The following ZNF827 variants were observed in gnomAD, a reference collection of about 807,000 sequenced individuals.
ZNF827 encodes the protein zinc finger protein 827.
In ZNF827, 13 loss-of-function variants were observed where a neutral mutation model predicts 102.4. That is an observed-to-expected ratio of 0.13 (90% confidence interval 0.08 to 0.20). ZNF827 has a LOEUF of 0.20. Among genes scored for constraint, ZNF827 ranks in the 10% least tolerant of loss-of-function variants. The pLI is 1.00. For synonymous variants in ZNF827, 523 were observed against 536.2 expected, an observed-to-expected ratio of 0.98 and a Z score of 0.34; for missense variants, 1,103 against 1,344.4, an observed-to-expected ratio of 0.82 and a Z score of 2.81.
At chr4:145,774,749 A>G (rs1015185655) in intron 10 of ZNF827, 77 bp from the exon 11 acceptor site, 36 of 1,466,942 alleles carry the variant, frequency 2.5e-5, no homozygotes, top group African/African-American at 4.2e-5. Flanking sequence ...GTCCATTTAT[A>G]CACAGTACAC....
At chr4:145,822,183 A>G (rs546865094) in intron 8 of ZNF827, among the ~76,000 whole-genome samples, 73 of 152,328 alleles carry the variant, frequency 4.8e-4, no homozygotes, top group Non-Finnish European at 6.2e-4. Flanking sequence ...GTTTTTGTGT[A>G]AGCACATTAT....
At chr4:145,889,537 T>C (rs1750414703) in intron 3 of ZNF827, among the ~76,000 whole-genome samples, 1 of 150,086 alleles carries the variant, frequency 6.7e-6, no homozygotes, top group African/African-American at 2.5e-5. Flanking sequence ...TCTTAATCTC[T>C]GGCTATACTG....
chr4:145,887,864 T>G (rs7662069), intron 3 of ZNF827, among the ~76,000 whole-genome samples: 77,885 of 151,544 alleles, frequency 0.51, 20,300 homozygotes, highest in East Asian at 0.81. Context: ...AGGTCACGAG[T>G]TAGAGAGCTT....
chr4:145,781,195 C>CAAAAAAAAAAAAAAAAAAAAAAAAAAA (rs10605153), intron 8 of ZNF827, among the ~76,000 whole-genome samples: 10 of 56,544 alleles, frequency 1.8e-4, no homozygotes, highest in Non-Finnish European at 2.3e-4. Flanking sequence ...GACACCATCT[C>CAAAAAAAAAAAAAAAAAAAAAAAAAAA]AAAAAAAAAA....
At chr4:145,801,392 T>C (rs763345372) in intron 8 of ZNF827, among the ~76,000 whole-genome samples, 8 of 152,394 alleles carry the variant, frequency 5.2e-5, no homozygotes, top group Non-Finnish European at 8.8e-5. Flanking sequence ...CCCATTATCA[T>C]GTTCTTCTAC....
chr4:145,902,288 G>T lies in ZNF827; in HGVS notation c.971C>A (p.Pro324Gln), dbSNP rs1162899650. The change falls in exon 2 of 15, where the codon CCA becomes CAA. Residue 324 changes from proline (P) to glutamine (Q), a missense_variant. Transcript: ENST00000508784. The surrounding 1 kb of genome is among the most constrained non-coding windows in gnomAD (Gnocchi z 4.3). ...PLPPPPSEKK[P>Q]EKVTPPPPPP... Reference sequence around the variant, plus strand: ...TGGAGGTGGCGGAGTGACTTTTTCTGGTTTCTTCTCTGAAGGCGGGGGCGG... The same window carrying T: ...TGGAGGTGGCGGAGTGACTTTTTCTTGTTTCTTCTCTGAAGGCGGGGGCGG... The T allele has an allele frequency of 6.9e-6, 11 of 1,591,522 alleles. No individual in the cohort carries two copies. The Admixed American group carries it at 1.8e-4, about 25-fold the overall frequency.
At chr4:145,882,781 A>C (rs969933590) in intron 4 of ZNF827, among the ~76,000 whole-genome samples, 2 of 152,206 alleles carry the variant, frequency 1.3e-5, no homozygotes, top group Admixed American at 1.3e-4. Flanking sequence ...CAGTGCCCAC[A>C]AACAGCTGCA....
At position 145,938,378 on chromosome 4, in the gene ZNF827, C is replaced by T. The variant is rs140702490; in HGVS notation, c.30G>A (p.Lys10=). 62 of 1,613,320 alleles carry T rather than the reference C, an allele frequency of 3.8e-5. No homozygotes were observed. Among genetic ancestry groups the T allele is most frequent in the Non-Finnish European group, 5.0e-5 (59 of 1,179,986 alleles). The change falls in exon 1 of 15, where the codon AAG becomes AAA. Residue 10 remains lysine (K), a synonymous_variant. Transcript: ENST00000508784. MPRRKQEQP[K]RLPSHVSRQE... The stretch of plus-strand genomic sequence containing the variant: ...GGGATGACTTACGTGAGGGAAGGCG[C>T]TTGGGCTGCTCCTGCTTCCTCCTGG...
At chr4:145,843,408 A>G (rs900023147) in intron 7 of ZNF827, among the ~76,000 whole-genome samples, 2 of 152,138 alleles carry the variant, frequency 1.3e-5, no homozygotes, top group African/African-American at 2.4e-5. Flanking sequence ...GAATTTAAGG[A>G]TTGCATCATT....
At chr4:145,822,182 T>C (rs986043449) in intron 8 of ZNF827, among the ~76,000 whole-genome samples, 33 of 152,230 alleles carry the variant, frequency 2.2e-4, no homozygotes, top group African/African-American at 7.7e-4. Flanking sequence ...TGTTTTTGTG[T>C]AAGCACATTA....
At chr4:145,938,231 G>A (rs1754379491) in intron 1 of ZNF827, 134 bp downstream of exon 1, 1 of 1,052,924 alleles carries the variant, frequency 9.5e-7, no homozygotes, top group Non-Finnish European at 1.5e-6. Flanking sequence ...GGAGTAACCC[G>A]GGCTGTGTCT....
chr4:145,906,967 G>C, intron 1 of ZNF827: 1 of 430,954 alleles, frequency 2.3e-6, no homozygotes, highest in Non-Finnish European at 4.6e-6. Context: ...GGTTATTCAA[G>C]AAATAAGTTA....
At chr4:145,916,283 T>A (rs1197198811) in intron 1 of ZNF827, among the ~76,000 whole-genome samples, 1 of 152,226 alleles carries the variant, frequency 6.6e-6, no homozygotes, top group Non-Finnish European at 1.5e-5. Flanking sequence ...CCACAGCTCT[T>A]GAATTTTGAG....
At chr4:145,844,892 C>T (rs1273453909) in intron 7 of ZNF827, among the ~76,000 whole-genome samples, 2 of 151,952 alleles carry the variant, frequency 1.3e-5, no homozygotes, top group Non-Finnish European at 2.9e-5. Flanking sequence ...ATTAATAAGA[C>T]ATCAAAAAGA....
intron 5 of ZNF827, among the ~76,000 whole-genome samples, chr4:145,865,209 T>A (rs969783833): frequency 6.6e-6 from 1 of 152,182 alleles, no homozygotes; most frequent in Non-Finnish European, 1.5e-5. Flanking sequence ...GCCAACACTA[T>A]CTTGATTTAT....
intron 1 of ZNF827, among the ~76,000 whole-genome samples, chr4:145,912,928 A>AT (rs1302957158): frequency 6.6e-6 from 1 of 152,146 alleles, no homozygotes; most frequent in Non-Finnish European, 1.5e-5. Context: ...GGCCTGAGGC[A>AT]TTTTTCCTGA....
At chr4:145,860,255 C>T (rs1747567861) in intron 5 of ZNF827, among the ~76,000 whole-genome samples, 1 of 152,106 alleles carries the variant, frequency 6.6e-6, no homozygotes, top group Admixed American at 6.5e-5. Flanking sequence ...CTGTTGAGGG[C>T]CTCTTTTCCT....
chr4:145,911,779 G>C (rs1752316713), intron 1 of ZNF827, among the ~76,000 whole-genome samples: 2 of 152,108 alleles, frequency 1.3e-5, no homozygotes, highest in Admixed American at 1.3e-4. Context: ...CTAAATCATG[G>C]TACTTTTCAA....
intron 7 of ZNF827, among the ~76,000 whole-genome samples, chr4:145,828,054 A>T (rs1470155024): frequency 1.3e-5 from 2 of 152,158 alleles, no homozygotes; most frequent in African/African-American, 2.4e-5. Context: ...GGCAGCGGAG[A>T]GGCAAGTTCC....
Sources: gnomAD v4.1 joint callset for allele counts (sites outside exome capture counted in the v4.1 genomes callset) on GRCh38, gnomAD v4.1.1 for gene constraint, Gnocchi (gnomAD v3.1) non-coding constraint, MANE v1.5 for transcripts, NCBI Gene and HGNC (gene_info 2026-07-23, HGNC 2026-07-21) for gene names.